Variants in MYO7B observed in about 807,000 individuals in gnomAD.
MYO7B encodes the protein unconventional myosin-VIIb.
In MYO7B, 212 loss-of-function variants were observed where a neutral mutation model predicts 259.7. The ratio of observed to expected loss-of-function variants is 0.82; its 90% CI spans 0.73 to 0.91. MYO7B has a LOEUF of 0.91. Ranked by LOEUF, MYO7B falls within the 40% of genes least tolerant of loss-of-function variation. The pLI is 0.00. For missense variants in MYO7B, 2,732 were observed against 2,813.5 expected (o/e 0.97, Z 0.66); for synonymous variants, 1,197 against 1,166.4 (o/e 1.03, Z -0.54).
chr2:127,552,020 A>G (rs1693463267), intron 1 of MYO7B, among the ~76,000 whole-genome samples: 2 of 152,124 alleles, frequency 1.3e-5, no homozygotes, highest in African/African-American at 4.8e-5. Context: ...TTGCAAGGAG[A>G]GATCAGGAAT....
intron 22 of MYO7B, 110 bp downstream of exon 22, chr2:127,608,988 A>G: frequency 7.3e-7 from 1 of 1,378,078 alleles, no homozygotes; most frequent in South Asian, 1.4e-5. Flanking sequence ...AGCGGTGGCC[A>G]AGTGTGTGCT....
chr2:127,578,886 T>C (rs1289484735), intron 9 of MYO7B, among the ~76,000 whole-genome samples: 3 of 152,216 alleles, frequency 2.0e-5, no homozygotes, highest in Non-Finnish European at 4.4e-5. Flanking sequence ...CTAGAGAAGT[T>C]CTGCTTATTT....
At position 127,582,183 on chromosome 2, in the gene MYO7B, C is replaced by A. The variant is rs17015424; in HGVS notation, c.1201-121C>A. ...AGCCTCTTGGGCCCTGGTTTCTTGCCTTTGAAGGAGGGATAACATCCACAG... is the reference window on the plus strand; with the variant it reads ...AGCCTCTTGGGCCCTGGTTTCTTGCATTTGAAGGAGGGATAACATCCACAG... On this transcript the variant is annotated intron_variant, in intron 11 of 47. Coordinates refer to ENST00000409816, the MANE Select transcript of MYO7B (RefSeq NM_001393586.1). 8 of 1,463,364 alleles carry A rather than the reference C, an allele frequency of 5.5e-6. No homozygotes were observed. In the Admixed American group the frequency reaches 6.5e-5, roughly 12 times the overall value. The allele number at this position is 1,463,364 out of a possible 1,614,324, so 90.6% of individuals were successfully genotyped here. A position where few individuals can be genotyped will look rare whatever the true frequency, so the allele number is the denominator to read the frequency against.
At chr2:127,542,800 A>C (rs1573601597) in intron 1 of MYO7B, among the ~76,000 whole-genome samples, 1 of 152,186 alleles carries the variant, frequency 6.6e-6, no homozygotes, top group Non-Finnish European at 1.5e-5. Flanking sequence ...ATGTGGCAGG[A>C]CAATAGGGTA....
chr2:127,571,833 A>G (rs565101878), intron 6 of MYO7B, among the ~76,000 whole-genome samples: 2 of 152,120 alleles, frequency 1.3e-5, no homozygotes, highest in Non-Finnish European at 1.5e-5. Flanking sequence ...CCTTTATAAG[A>G]TAGGTGTTAC....
At chr2:127,552,558 T>G (rs1175481476) in intron 1 of MYO7B, among the ~76,000 whole-genome samples, 1 of 151,928 alleles carries the variant, frequency 6.6e-6, no homozygotes, top group Non-Finnish European at 1.5e-5. Context: ...GGAGGAGACG[T>G]CTATGGTATG....
intron 6 of MYO7B, among the ~76,000 whole-genome samples, chr2:127,570,945 A>C (rs1678576803): frequency 6.6e-6 from 1 of 152,132 alleles, no homozygotes; most frequent in Admixed American, 6.5e-5. Context: ...TTTAATGCTG[A>C]GTAGAATTCC....
chr2:127,572,279 C>G (rs1056421246), intron 6 of MYO7B, among the ~76,000 whole-genome samples: 4 of 152,154 alleles, frequency 2.6e-5, no homozygotes, highest in Non-Finnish European at 5.9e-5. Flanking sequence ...CTTAGTTGAG[C>G]ATGGTGGCAT....
rs1030602277 is a variant in MYO7B at position 127,625,593 on chromosome 2, G to A, written c.4215+58G>A. ...AGGGCTCTCCTTTGGGAGGTGGGGG[G>A]GCTCATGGTATACAGAGGAGATGGA... On this transcript the variant is annotated intron_variant, in intron 31 of 47. Coordinates refer to ENST00000409816, the MANE Select transcript of MYO7B (RefSeq NM_001393586.1). The A allele has an allele frequency of 3.5e-5, 52 of 1,492,900 alleles. No individual in the cohort carries two copies. In the South Asian group the frequency reaches 4.3e-4, roughly 12 times the overall value. The allele number at this position is 1,492,900 out of a possible 1,614,324, so 92.5% of individuals were successfully genotyped here. A position where few individuals can be genotyped will look rare whatever the true frequency, so the allele number is the denominator to read the frequency against.
At chr2:127,610,135 C>T in intron 24 of MYO7B, 119 bp downstream of exon 24, 2 of 1,369,332 alleles carry the variant, frequency 1.5e-6, no homozygotes, top group Admixed American at 2.3e-5. Flanking sequence ...TGTCCTCAGC[C>T]TTACCCATGG....
rs183313519 is a variant in MYO7B, at chr2:127,607,931, G to C, written c.2643+507G>C. Among the ~76,000 whole-genome samples the C allele has an allele frequency of 6.6e-6, 1 of 152,316 alleles. No individual in the cohort carries two copies. The highest frequency in any genetic ancestry group is 6.5e-5 in the Admixed American group (1 of 15,300). Reference sequence around the variant, plus strand: ...TGGGAAAGGCCCCAGTTCCATGGAAGAGAGCAAAGTGTCCTGGTTACTGGG... The same window carrying C: ...TGGGAAAGGCCCCAGTTCCATGGAACAGAGCAAAGTGTCCTGGTTACTGGG... On this transcript the variant is annotated intron_variant, in intron 21 of 47. Coordinates refer to ENST00000409816, the MANE Select transcript of MYO7B (RefSeq NM_001393586.1). The surrounding 1 kb of genome is among the most constrained non-coding windows in gnomAD (Gnocchi z 4.4).
At chr2:127,608,514 G>A (rs964503488) in intron 21 of MYO7B, among the ~76,000 whole-genome samples, 194 bp from the exon 22 acceptor site, 1 of 152,258 alleles carries the variant, frequency 6.6e-6, no homozygotes, top group East Asian at 1.9e-4. Flanking sequence ...GAAAGGGAAA[G>A]CCCTGGCTGG....
At position 127,623,384 on chromosome 2, in the gene MYO7B, C is replaced by G. The variant is rs1234593755; in HGVS notation, c.3819+9C>G. The G allele has an allele frequency of 6.4e-7, 1 of 1,563,054 alleles. No individual in the cohort carries two copies. Among genetic ancestry groups the G allele is most frequent in the Admixed American group, 1.8e-5 (1 of 55,740 alleles). On this transcript the variant is annotated intron_variant, in intron 29 of 47. Coordinates refer to ENST00000409816, the MANE Select transcript of MYO7B (RefSeq NM_001393586.1). ...TCGCCGTGTACGACAAGGTACCAGC[C>G]AGGCACCCTGCCCGTCAGCCGCCTC...
At position 127,576,517 on chromosome 2, in the gene MYO7B, G is replaced by C. The variant is rs1386474906; in HGVS notation, c.736-78G>C. The C allele has an allele frequency of 5.6e-6, 5 of 885,482 alleles. No homozygotes were observed. Among genetic ancestry groups the C allele is most frequent in the African/African-American group, 1.7e-5 (1 of 59,282 alleles). The allele number at this position is 885,482 out of a possible 1,614,324, so 54.9% of individuals were successfully genotyped here. On this transcript the variant is annotated intron_variant, in intron 7 of 47. Coordinates refer to ENST00000409816, the MANE Select transcript of MYO7B (RefSeq NM_001393586.1). This position sits in a 1 kb window ranked among gnomAD's most constrained non-coding sequence, Gnocchi z 4.9. ...TGGAGCGGAGGCCAGGGCTGGGCTG[G>C]GCAGAGGCAGTCTGAGGCCCTGAGG...
rs575696174 is a variant in MYO7B at position 127,585,790 on chromosome 2, C to T, written c.1690+877C>T. Among the ~76,000 whole-genome samples the T allele has an allele frequency of 6.6e-6, 1 of 152,308 alleles. No homozygotes were observed. Among genetic ancestry groups the T allele is most frequent in the Non-Finnish European group, 1.5e-5 (1 of 68,032 alleles). ...AGCTACCCTAGTGGGTTTGAAGTCT[C>T]AATGTGATTTGCATCTGCATCCCCC... On this transcript the variant is annotated intron_variant, in intron 14 of 47. Coordinates refer to ENST00000409816, the MANE Select transcript of MYO7B (RefSeq NM_001393586.1). This position sits in a 1 kb window ranked among gnomAD's most constrained non-coding sequence, Gnocchi z 4.3.
chr2:127,596,604 G>C, intron 19 of MYO7B, 48 bp downstream of exon 19: 1 of 1,472,164 alleles, frequency 6.8e-7, no homozygotes, highest in South Asian at 1.2e-5. Context: ...TGCCCACAGT[G>C]TCCCCACACA....
At position 127,577,418 on chromosome 2, in the gene MYO7B, G is replaced by C. The variant is rs1201393770; in HGVS notation, c.849+710G>C. On this transcript the variant is annotated intron_variant, in intron 8 of 47. Transcript: ENST00000409816. The surrounding 1 kb of genome is among the most constrained non-coding windows in gnomAD (Gnocchi z 5.2). ...AGGAAGGTTTGCACTGTAGTGTCAT[G>C]CTTTGGATGGCACTGCTGCAGTGAC... Among the ~76,000 whole-genome samples the C allele has an allele frequency of 2.6e-5, 4 of 152,192 alleles. No homozygotes were observed. Among genetic ancestry groups the C allele is most frequent in the Non-Finnish European group, 5.9e-5 (4 of 68,036 alleles).
At position 127,606,939 on chromosome 2, in the gene MYO7B, C is replaced by T. The variant is rs945036173; in HGVS notation, c.2425-267C>T. Reference sequence around the variant, plus strand: ...AATCCACACCAATTCTCTCCATCCACGGCCCCAAGGAGGCCACTTTATTAT... The same window carrying T: ...AATCCACACCAATTCTCTCCATCCATGGCCCCAAGGAGGCCACTTTATTAT... On this transcript the variant is annotated intron_variant, in intron 20 of 47. Coordinates refer to ENST00000409816, the MANE Select transcript of MYO7B (RefSeq NM_001393586.1). Among the ~76,000 whole-genome samples, 3 of 152,396 alleles carry T rather than the reference C, an allele frequency of 2.0e-5. No individual in the cohort carries two copies. In the East Asian group the frequency reaches 5.8e-4, roughly 29 times the overall value.
rs375120562 is a variant in MYO7B, at chr2:127,631,228, A to C, written c.4960A>C (p.Ser1654Arg). Residue 1654 changes from serine to arginine, a missense_variant, in exon 37 of 48, where the codon AGC (serine) becomes CGC (arginine). Ser to Arg is a moderately radical substitution (Grantham distance 110). Transcript: ENST00000409816. ...FFRAPEKDMVSMAVLPLARAR... is the reference protein window; with the variant it reads ...FFRAPEKDMVRMAVLPLARAR... ...CAGGGCTCCAGAGAAGGACATGGTG[A>C]GCATGGCCGTGCTGCCCCTGGCCCG... 89 of 1,607,064 alleles carry C rather than the reference A, an allele frequency of 5.5e-5. No homozygotes were observed. The highest frequency in any genetic ancestry group is 1.7e-4 in the Admixed American group (10 of 59,718).
Sources: gnomAD v4.1 joint callset for allele counts (sites outside exome capture counted in the v4.1 genomes callset) on GRCh38, gnomAD v4.1.1 for gene constraint, Gnocchi (gnomAD v3.1) non-coding constraint, MANE v1.5 for transcripts, NCBI Gene and HGNC (gene_info 2026-07-23, HGNC 2026-07-21) for gene names.